EIF4ENIF1: variants seen among roughly 807,000 people sequenced by gnomAD.
EIF4ENIF1 encodes the protein eukaryotic translation initiation factor 4E transporter.
A neutral mutation model predicts 110.5 loss-of-function variants in EIF4ENIF1; 23 were observed. The observed-to-expected ratio is 0.21, with a 90% CI of 0.15 to 0.29. EIF4ENIF1 has a LOEUF of 0.29. EIF4ENIF1 is among the 10% of genes least tolerant of loss of function. The pLI, the probability that EIF4ENIF1 is intolerant of heterozygous loss-of-function variation, is 1.00. For synonymous variants in EIF4ENIF1, 440 were observed against 437.0 expected (o/e 1.01, Z -0.09); for missense variants, 1,031 against 1,221.1 (o/e 0.84, Z 2.32).
At chr22:31,442,258 G>A in intron 16 of EIF4ENIF1, 140 bp from the exon 17 acceptor site, 1 of 678,272 alleles carries the variant, frequency 1.5e-6, no homozygotes, top group Non-Finnish European at 2.5e-6. Flanking sequence ...TACACGGTAG[G>A]AACCATCGTT....
rs372073169 is a variant in EIF4ENIF1, at chr22:31,441,887, A to C, written c.2438T>G (p.Leu813Arg). 3.7e-6 allele frequency: 6 copies of C among 1,614,160 alleles called. No individual in the cohort carries two copies. In the East Asian group the frequency reaches 1.3e-4, roughly 36 times the overall value. ...PFLRPVHQVPLVPHVPMVRPA... is the reference protein window; with the variant it reads ...PFLRPVHQVPRVPHVPMVRPA... ...CCTAACCATAGGGACATGGGGGACA[A>C]GGGGAACTTGGTGGACAGGGCGGAG... Residue 813 changes from leucine to arginine, a missense_variant, in exon 17 of 19, where the codon CTT (leucine) becomes CGT (arginine). This residue lies in a region of EIF4ENIF1 where 309 missense variants were observed against 299.1 expected (regional missense o/e 1.03). Transcript: ENST00000330125.
At position 31,458,517 on chromosome 22, in the gene EIF4ENIF1, A is replaced by G. The variant is rs1282473956; in HGVS notation, c.921T>C (p.Phe307=). The G allele has an allele frequency of 6.2e-7, 1 of 1,611,652 alleles. No homozygotes were observed. The highest frequency in any genetic ancestry group is 8.5e-7 in the Non-Finnish European group (1 of 1,178,116). ...LPEQSPGDFD[F]NEFFNLDKVP... The stretch of plus-strand genomic sequence containing the variant: ...CCTTATCAAGGTTAAAGAACTCATT[A>G]AAGTCAAAGTCTCCTGGGGACTGCT... The change falls in exon 7 of 19, where the codon TTT becomes TTC. Residue 307 remains phenylalanine, a synonymous_variant. Transcript: ENST00000330125.
intron 7 of EIF4ENIF1, among the ~76,000 whole-genome samples, chr22:31,456,470 G>A (rs1051012984): frequency 2.1e-4 from 32 of 151,868 alleles, no homozygotes; most frequent in South Asian, 6.3e-4. Flanking sequence ...TGATCCGCCC[G>A]CCTTGGCCTC....
At chr22:31,477,099 A>G (rs1200095723) in intron 2 of EIF4ENIF1, among the ~76,000 whole-genome samples, 1 of 151,438 alleles carries the variant, frequency 6.6e-6, no homozygotes, top group Non-Finnish European at 1.5e-5. Flanking sequence ...CTCTAGCCCG[A>G]GTGACAGAAA....
intron 2 of EIF4ENIF1, among the ~76,000 whole-genome samples, chr22:31,477,625 T>C (rs2051639360): frequency 3.3e-5 from 5 of 152,086 alleles, no homozygotes; most frequent in Admixed American, 3.3e-4. Flanking sequence ...CACAGGCCTG[T>C]AAGAGCAGAA....
intron 4 of EIF4ENIF1, among the ~76,000 whole-genome samples, chr22:31,465,915 T>C (rs996162465): frequency 6.6e-6 from 1 of 152,244 alleles, no homozygotes; most frequent in Non-Finnish European, 1.5e-5. Context: ...GTATATACTA[T>C]AGTAACTCCA....
chr22:31,448,262 C>A (rs1361068733), intron 12 of EIF4ENIF1, 30 bp from the exon 13 acceptor site: 1 of 1,607,870 alleles, frequency 6.2e-7, no homozygotes. Flanking sequence ...CAGTGAGTAC[C>A]AAGATGGTAT....
chr22:31,440,952 T>C, intron 17 of EIF4ENIF1, 84 bp from the exon 18 acceptor site: 1 of 1,545,554 alleles, frequency 6.5e-7, no homozygotes. Context: ...TTTGCTGATC[T>C]GGAAGTTTGT....
rs774072044 is a variant in EIF4ENIF1, at chr22:31,463,642, G to A, written c.585+39C>T. ...GCCTGGGCAACAAGAGCGAAACTCC[G>A]TCTCAATTTAAAAAAAAAAAAAAAA... On this transcript the variant is annotated intron_variant, in intron 5 of 18. Coordinates refer to ENST00000330125, the MANE Select transcript of EIF4ENIF1 (RefSeq NM_019843.4). The A allele has an allele frequency of 2.7e-5, 40 of 1,469,376 alleles. 1 individual carries two copies. Among genetic ancestry groups the A allele is most frequent in the South Asian group, 8.1e-5 (6 of 74,374 alleles). 91.0% of individuals were successfully genotyped at this position (1,469,376 alleles called of 1,614,324 possible).
intron 9 of EIF4ENIF1, 71 bp downstream of exon 9, chr22:31,455,065 G>T: frequency 7.4e-7 from 1 of 1,349,364 alleles, no homozygotes. Flanking sequence ...GGTTATGTTA[G>T]ACCCAACTGC....
At chr22:31,453,599 C>T (rs963090919) in intron 10 of EIF4ENIF1, among the ~76,000 whole-genome samples, 1 of 152,070 alleles carries the variant, frequency 6.6e-6, no homozygotes, top group African/African-American at 2.4e-5. Flanking sequence ...TCTCAAACTC[C>T]TGACTTCAGG....
chr22:31,470,905 G>C (rs985288948), intron 3 of EIF4ENIF1, among the ~76,000 whole-genome samples: 1 of 151,274 alleles, frequency 6.6e-6, no homozygotes, highest in Admixed American at 6.6e-5. Flanking sequence ...CCAGCTACTC[G>C]GGAGGCTGAG....
chr22:31,472,522 G>C (rs28433754), intron 2 of EIF4ENIF1, among the ~76,000 whole-genome samples: 142 of 152,262 alleles, frequency 9.3e-4, no homozygotes, highest in African/African-American at 3.2e-3. Context: ...GCCCGCCTCG[G>C]CCTCCCAAAG....
At chr22:31,492,048 G>A (rs143708781), upstream of EIF4ENIF1, among the ~76,000 whole-genome samples, 2 of 152,302 alleles carry the variant, frequency 1.3e-5, no homozygotes, top group East Asian at 1.9e-4. Context: ...CCGTAAAAGC[G>A]TACATGTCTG....
intron 15 of EIF4ENIF1, 43 bp downstream of exon 15, chr22:31,444,563 G>GGA (rs769596590): frequency 6.3e-7 from 1 of 1,586,298 alleles, no homozygotes; most frequent in Non-Finnish European, 8.7e-7. Context: ...AACCAAACAG[G>GGA]GAGAAGCCTT....
intron 4 of EIF4ENIF1, 95 bp downstream of exon 4, chr22:31,468,080 C>T: frequency 6.6e-7 from 1 of 1,520,208 alleles, no homozygotes; most frequent in Non-Finnish European, 8.9e-7. Context: ...CATTTCCCCT[C>T]AAAGCATAAA....
intron 2 of EIF4ENIF1, among the ~76,000 whole-genome samples, chr22:31,482,191 G>T (rs2051842596): frequency 6.6e-6 from 1 of 150,962 alleles, no homozygotes; most frequent in Non-Finnish European, 1.5e-5. Context: ...AATTCCACAT[G>T]AAGTTAAACT....
intron 15 of EIF4ENIF1, 35 bp from the exon 16 acceptor site, chr22:31,443,129 C>CT (rs2050356025): frequency 1.9e-6 from 3 of 1,609,064 alleles, no homozygotes; most frequent in Non-Finnish European, 2.5e-6. Flanking sequence ...AGCACATTCT[C>CT]TAAGTGCCGT....
In EIF4ENIF1 at chr22:31,455,299, G is replaced by A. The variant is rs1404393416; in HGVS notation, c.1116C>T (p.Ile372=). ...TCCCCGAGTTCTGTCCAGGAGAGAG[G>A]ATGGCTTGCTCCAGACCTGATATTG... ...LERLAGLEQA[I]LSPGQNSGNY... is the part of the protein sequence containing the mutation. Residue 372 remains isoleucine, a synonymous_variant, in exon 9 of 19, where the codon ATC becomes ATT. Coordinates refer to ENST00000330125, the MANE Select transcript of EIF4ENIF1 (RefSeq NM_019843.4). 1.3e-6 allele frequency: 2 copies of A among 1,595,524 alleles called. No individual in the cohort carries two copies. The highest frequency in any genetic ancestry group is 2.2e-5 in the East Asian group (1 of 44,450).
Sources: gnomAD v4.1 joint callset for allele counts (sites outside exome capture counted in the v4.1 genomes callset) on GRCh38, gnomAD v4.1.1 for gene constraint, gnomAD v4.1.1 regional missense constraint, MANE v1.5 for transcripts, NCBI Gene and HGNC (gene_info 2026-07-23, HGNC 2026-07-21) for gene names.